The following TPP2 variants were observed in gnomAD, a reference collection of about 807,000 sequenced individuals.
The protein encoded by TPP2 is tripeptidyl-peptidase 2.
TPP2 carries 34 observed loss-of-function variants against 155.9 expected under a neutral mutation model. The ratio of observed to expected loss-of-function variants is 0.22; its 90% CI spans 0.17 to 0.29. The LOEUF (loss-of-function observed/expected upper bound fraction) is 0.29. Among genes scored for constraint, TPP2 ranks in the 10% least tolerant of loss-of-function variants. The pLI, the probability that TPP2 is intolerant of heterozygous loss-of-function variation, is 1.00. For synonymous variants in TPP2, 510 were observed against 529.4 expected, an observed-to-expected ratio of 0.96 and a Z score of 0.50; for missense variants, 1,028 against 1,522.3, an observed-to-expected ratio of 0.68 and a Z score of 5.40.
At chr13:102,646,204 AAT>A (rs755892669) in intron 19 of TPP2, 88 bp from the exon 20 acceptor site, 85 of 1,000,956 alleles carry the variant, frequency 8.5e-5, no homozygotes, top group Non-Finnish European at 1.2e-4. Context: ...CACTTTTTGC[AAT>A]ATGTTACAGA....
Position 102,649,438 on chromosome 13 carries a change from T to C in TPP2, c.2904T>C (p.Tyr968=), listed in dbSNP as rs144726148. The C allele has an allele frequency of 4.2e-5, 67 of 1,613,156 alleles. No individual in the cohort carries two copies. In the African/African-American group the frequency reaches 8.3e-4, roughly 20 times the overall value. Residue 968 remains tyrosine (Y), a synonymous_variant, in exon 23 of 30, where the codon TAT becomes TAC. Transcript: ENST00000376052. ...KIPKGAGPGC[Y]LAGSLTLSKT... ...CTAAAGGGGCAGGACCTGGATGCTA[T>C]CTTGCAGGATCCTTAACATTGTCAA...
At chr13:102,630,926 G>A (rs149354250) in intron 10 of TPP2, among the ~76,000 whole-genome samples, 1 of 152,266 alleles carries the variant, frequency 6.6e-6, no homozygotes, top group East Asian at 1.9e-4. Flanking sequence ...AGGCATAAAC[G>A]AACAGTTTGT....
At chr13:102,669,587 A>G (rs947151528) in intron 27 of TPP2, among the ~76,000 whole-genome samples, 2 of 152,188 alleles carry the variant, frequency 1.3e-5, no homozygotes, top group Non-Finnish European at 2.9e-5. Context: ...TGTTTGCCAT[A>G]ACTGATTAGG....
chr13:102,630,218 A>G, intron 10 of TPP2, 23 bp downstream of exon 10: 1 of 1,560,768 alleles, frequency 6.4e-7, no homozygotes, highest in Non-Finnish European at 8.8e-7. Flanking sequence ...AGAACGCGGA[A>G]CCATTACGTA....
chr13:102,646,330 A>G lies in TPP2; in HGVS notation c.2430A>G (p.Arg810=). ...CAAAAACAAAACCTTTAGGATCAAG[A>G]GATGTTTTGCCAAATAACCGTCAAC... The part of the protein sequence containing the change: ...VSAKTKPLGS[R]DVLPNNRQLY... The change falls in exon 20 of 30, where the codon AGA becomes AGG. Residue 810 remains arginine (R), a synonymous_variant. Transcript: ENST00000376052. 6.2e-7 allele frequency: 1 copy of G among 1,612,974 alleles called. No individual in the cohort carries two copies. Among genetic ancestry groups the G allele is most frequent in the South Asian group, 1.1e-5 (1 of 90,954 alleles).
rs528592191 is a variant in TPP2, at chr13:102,648,838, TC to T, written c.2629-67del. The T allele has an allele frequency of 3.1e-4, 467 of 1,512,996 alleles. 5 individuals carry two copies. In the South Asian group the frequency reaches 6.1e-3, roughly 20 times the overall value. 93.7% of individuals were successfully genotyped at this position (1,512,996 alleles called of 1,614,324 possible). ...TCTGTGAATGGTAACTTTCACTTTA[TC>T]CTCTTTCAGTGATTTCCGTTGACTT... On this transcript the variant is annotated intron_variant, in intron 21 of 29. Transcript: ENST00000376052.
intron 5 of TPP2, among the ~76,000 whole-genome samples, chr13:102,619,811 T>G (rs950726465): frequency 6.6e-6 from 1 of 152,250 alleles, no homozygotes; most frequent in African/African-American, 2.4e-5. Context: ...TGTTTTGTTG[T>G]GTGCATATGC....
intron 19 of TPP2, 25 bp downstream of exon 19, chr13:102,645,034 A>G: frequency 6.2e-7 from 1 of 1,600,404 alleles, no homozygotes; most frequent in Non-Finnish European, 8.6e-7. Context: ...TTTAGGAACT[A>G]CAGATATTGA....
In TPP2 at chr13:102,623,048, A is replaced by G. The variant is rs763412319; in HGVS notation, c.784+8A>G. 13 of 1,607,620 alleles carry G rather than the reference A, an allele frequency of 8.1e-6. No individual in the cohort carries two copies. The highest frequency in any genetic ancestry group is 1.1e-5 in the Non-Finnish European group (13 of 1,177,774). The stretch of plus-strand genomic sequence containing the variant: ...CCATTGTGACCAGTGGAGGTATCCC[A>G]TTTCAGATTGACCAATGAGATATAG... On this transcript the variant is annotated splice_region_variant and intron_variant, in intron 6 of 29. Coordinates refer to ENST00000376052, the MANE Select transcript of TPP2 (RefSeq NM_001330588.2).
intron 1 of TPP2, among the ~76,000 whole-genome samples, chr13:102,599,576 G>C (rs1202253905): frequency 6.6e-6 from 1 of 152,228 alleles, no homozygotes; most frequent in Non-Finnish European, 1.5e-5. Flanking sequence ...AAACGTGGAA[G>C]AACACAGTGG....
intron 24 of TPP2, among the ~76,000 whole-genome samples, chr13:102,652,448 ATATAT>A (rs1883579775): frequency 4.6e-4 from 26 of 56,482 alleles, no homozygotes; most frequent in Non-Finnish European, 6.4e-4. Context: ...ATATATATAT[ATATAT>A]AAAAGGGACC....
chr13:102,617,279 C>T lies in TPP2; in HGVS notation c.495+779C>T, dbSNP rs1280257059. ...AAGGGTTTCAAAATACTTCATTTTTCAGTTAATATATTAGACCTCAAGGTC... is the reference window on the plus strand; with the variant it reads ...AAGGGTTTCAAAATACTTCATTTTTTAGTTAATATATTAGACCTCAAGGTC... On this transcript the variant is annotated intron_variant, in intron 4 of 29. Coordinates refer to ENST00000376052, the MANE Select transcript of TPP2 (RefSeq NM_001330588.2). Among the ~76,000 whole-genome samples the T allele has an allele frequency of 3.9e-5, 6 of 152,198 alleles. No individual in the cohort carries two copies. In the East Asian group the frequency reaches 1.2e-3, roughly 29 times the overall value.
intron 28 of TPP2, among the ~76,000 whole-genome samples, 200 bp downstream of exon 28, chr13:102,674,690 G>A (rs1363098303): frequency 1.3e-5 from 2 of 152,266 alleles, no homozygotes; most frequent in Admixed American, 1.3e-4. Flanking sequence ...CTGCAAACTG[G>A]CTGTTAAACC....
intron 15 of TPP2, among the ~76,000 whole-genome samples, chr13:102,638,908 C>T (rs1445428237): frequency 6.6e-6 from 1 of 152,224 alleles, no homozygotes; most frequent in Non-Finnish European, 1.5e-5. Context: ...ATAGCCCTAG[C>T]CAGTGTTTCC....
chr13:102,602,421 C>T (rs1879498553), intron 1 of TPP2, among the ~76,000 whole-genome samples: 1 of 151,738 alleles, frequency 6.6e-6, no homozygotes, highest in East Asian at 1.9e-4. Flanking sequence ...TATTAGAATT[C>T]TTATTTGTTA....
At position 102,657,699 on chromosome 13, in the gene TPP2, A is replaced by G. The variant is rs1297176545; in HGVS notation, c.3143+492A>G. ...TATTTAAACGTTTTATTTTGCATAT[A>G]TATGTTTATAGCTTTTCTTCATGAT... On this transcript the variant is annotated intron_variant, in intron 25 of 29. Coordinates refer to ENST00000376052, the MANE Select transcript of TPP2 (RefSeq NM_001330588.2). 2.0e-5 allele frequency among the ~76,000 whole-genome samples: 3 copies of G among 152,182 alleles called. No homozygotes were observed. In the East Asian group the frequency reaches 5.8e-4, roughly 29 times the overall value.
intron 27 of TPP2, among the ~76,000 whole-genome samples, chr13:102,670,737 G>A (rs1595221942): frequency 6.6e-6 from 1 of 152,290 alleles, no homozygotes; most frequent in African/African-American, 2.4e-5. Flanking sequence ...GTGGGGTGAA[G>A]CCAGTTAATA....
Position 102,614,119 on chromosome 13 carries a change from A to G in TPP2, c.313A>G (p.Asn105Asp), listed in dbSNP as rs1038240044. Residue 105 changes from asparagine to aspartate, a missense_variant, in exon 3 of 30, where the codon AAT becomes GAT. By Grantham distance (23) the Asn-to-Asp change is conservative (BLOSUM62 1). Coordinates refer to ENST00000376052, the MANE Select transcript of TPP2 (RefSeq NM_001330588.2). ...RVLKIPASWT[N>D]PSGKYHIGIK... is the part of the protein sequence containing the mutation. Reference sequence around the variant, plus strand: ...TCTGTAGATTCCTGCAAGCTGGACAAATCCCTCAGGCAAATATCATATTGG... The same window carrying G: ...TCTGTAGATTCCTGCAAGCTGGACAGATCCCTCAGGCAAATATCATATTGG... 2 of 1,613,356 alleles carry G rather than the reference A, an allele frequency of 1.2e-6. No individual in the cohort carries two copies. Among genetic ancestry groups the G allele is most frequent in the South Asian group, 2.2e-5 (2 of 90,928 alleles).
At position 102,674,504 on chromosome 13, in the gene TPP2, T is replaced by A. The variant is rs1364897444; in HGVS notation, c.3579+14T>A. 4.3e-6 allele frequency: 7 copies of A among 1,612,932 alleles called. No homozygotes were observed. Among genetic ancestry groups the A allele is most frequent in the Non-Finnish European group, 5.9e-6 (7 of 1,179,330 alleles). On this transcript the variant is annotated intron_variant, in intron 28 of 29. Transcript: ENST00000376052. ...TTTGACAATAAGGTAACGTTTCTGCTTCTTGTTTCAGCAAAGTTCTTGGGG... is the reference window on the plus strand; with the variant it reads ...TTTGACAATAAGGTAACGTTTCTGCATCTTGTTTCAGCAAAGTTCTTGGGG...
Sources: allele counts gnomAD v4.1 joint callset (sites outside exome capture counted in the v4.1 genomes callset), GRCh38; gene constraint gnomAD v4.1.1; transcripts MANE v1.5; gene names NCBI Gene and HGNC (gene_info 2026-07-23, HGNC 2026-07-21).